STK40: variants seen among roughly 807,000 people sequenced by gnomAD.
STK40 encodes the protein serine/threonine kinase 40.
In STK40, 13 loss-of-function variants were observed where a neutral mutation model predicts 47.9. The observed-to-expected ratio is 0.27, with a 90% CI of 0.18 to 0.43. The LOEUF is 0.43. Ranked by LOEUF, STK40 falls within the 20% of genes least tolerant of loss-of-function variation. STK40 has a pLI of 1.00. For missense variants in STK40, 460 were observed against 595.1 expected, an observed-to-expected ratio of 0.77 and a Z score of 2.36; for synonymous variants, 225 against 243.2, an observed-to-expected ratio of 0.93 and a Z score of 0.69.
chr1:36,355,550 C>T (rs1159367411), intron 4 of STK40, 117 bp from the exon 5 acceptor site: 6 of 1,121,612 alleles, frequency 5.3e-6, no homozygotes, highest in Admixed American at 3.6e-5. Context: ...CTGGAATTAG[C>T]CTGCATGTGC....
intron 1 of STK40, among the ~76,000 whole-genome samples, chr1:36,379,860 C>T (rs1647025488): frequency 6.6e-6 from 1 of 152,182 alleles, no homozygotes; most frequent in African/African-American, 2.4e-5. Flanking sequence ...GGCAGCAATT[C>T]ACTTCTAGAA....
intron 7 of STK40, 85 bp downstream of exon 7, chr1:36,348,615 G>T: frequency 7.7e-7 from 1 of 1,290,784 alleles, no homozygotes; most frequent in Non-Finnish European, 1.1e-6. Context: ...CTTGCCCAGG[G>T]CCTGCCCACA....
At chr1:36,345,987 ATATATT>A (rs1192605826) in intron 7 of STK40, among the ~76,000 whole-genome samples, 1 of 17,268 alleles carries the variant, frequency 5.8e-5, no homozygotes, top group South Asian at 3.0e-3. Flanking sequence ...ATATATATAT[ATATATT>A]TTTTTTTTTT....
chr1:36,342,227 C>T (rs549915601), intron 10 of STK40: 1 of 526,748 alleles, frequency 1.9e-6, no homozygotes, highest in Non-Finnish European at 3.5e-6. Context: ...CTTCCTAACT[C>T]ACTGGCTGCG....
At chr1:36,343,803 ATGGG>A in intron 9 of STK40, 53 bp downstream of exon 9, 1 of 1,521,312 alleles carries the variant, frequency 6.6e-7, no homozygotes, top group Non-Finnish European at 8.8e-7. Flanking sequence ...TCTGGGTAGG[ATGGG>A]CAGAGGCCCT....
rs528997688 is a variant in STK40 at position 36,385,860 on chromosome 1, A to AGCC, written c.-149_-147dup. On this transcript the variant is annotated 5_prime_UTR_variant, in exon 1 of 11. Transcript: ENST00000373132. ...CGCCGCCTCCCAGCGCAGCCACCCG[A>AGCC]GCCGCCGCCGCCGCCGCCGCCGCCT... 0.038 allele frequency: 6,624 copies of AGCC among 175,488 alleles called. 133 individuals are homozygous for AGCC. Among genetic ancestry groups the AGCC allele is most frequent in the African/African-American group, 0.042 (1,720 of 40,944 alleles). 10.9% of individuals were successfully genotyped at this position (175,488 alleles called of 1,614,324 possible).
intron 1 of STK40, among the ~76,000 whole-genome samples, chr1:36,379,748 A>AGGG (rs1647024563): frequency 1.3e-5 from 2 of 152,164 alleles, no homozygotes; most frequent in African/African-American, 4.8e-5. Flanking sequence ...TCAACCCAAA[A>AGGG]GAACAGATTC....
intron 1 of STK40, among the ~76,000 whole-genome samples, chr1:36,361,686 C>T (rs1646853865): frequency 6.6e-6 from 1 of 152,124 alleles, no homozygotes; most frequent in Non-Finnish European, 1.5e-5. Context: ...GAGACTACCA[C>T]AGAGACAGAG....
At chr1:36,373,026 T>C (rs947359953) in intron 1 of STK40, among the ~76,000 whole-genome samples, 1 of 152,130 alleles carries the variant, frequency 6.6e-6, no homozygotes, top group Non-Finnish European at 1.5e-5. Context: ...GTTACGCAAA[T>C]GCCAACTGGG....
chr1:36,365,512 G>A (rs1646894520), intron 1 of STK40, among the ~76,000 whole-genome samples: 1 of 152,256 alleles, frequency 6.6e-6, no homozygotes, highest in South Asian at 2.1e-4. Flanking sequence ...GCCACAGTTA[G>A]GCTTGGCTGG....
intron 1 of STK40, among the ~76,000 whole-genome samples, chr1:36,381,263 C>T (rs574218970): frequency 1.3e-5 from 2 of 152,302 alleles, no homozygotes; most frequent in East Asian, 3.9e-4. Flanking sequence ...GCAAGGCATC[C>T]ATCACCAACA....
intron 1 of STK40, among the ~76,000 whole-genome samples, chr1:36,366,827 C>A (rs1370082074): frequency 4.0e-5 from 6 of 150,346 alleles, no homozygotes; most frequent in Non-Finnish European, 4.4e-5. Context: ...CTTCTACATT[C>A]TTCTTCTTCT....
chr1:36,354,586 C>A (rs1206500012), intron 5 of STK40, among the ~76,000 whole-genome samples, 170 bp from the exon 6 acceptor site: 2 of 152,160 alleles, frequency 1.3e-5, no homozygotes, highest in African/African-American at 2.4e-5. Flanking sequence ...GTTCGCGTGA[C>A]CTGCGCGTCT....
rs563494381 is a variant in STK40 at position 36,384,034 on chromosome 1, T to C, written c.-9+1689A>G. ...CTGCTATTAGCTTCTTCTTCTTCTT[T>C]TTTTTTTTTTTTTGAGACAGAGTCT... is the stretch of plus-strand genomic sequence containing the variant. On this transcript the variant is annotated intron_variant, in intron 1 of 10. Coordinates refer to ENST00000373132, the MANE Select transcript of STK40 (RefSeq NM_001282547.2). Among the ~76,000 whole-genome samples the C allele has an allele frequency of 7.2e-4, 103 of 142,404 alleles. No individual in the cohort carries two copies. The South Asian group carries it at 9.1e-3, about 13-fold the overall frequency. 93.4% of individuals were successfully genotyped at this position (142,404 alleles called of 152,430 possible).
intron 4 of STK40, among the ~76,000 whole-genome samples, chr1:36,356,146 G>T (rs1004051251): frequency 6.6e-6 from 1 of 152,114 alleles, no homozygotes; most frequent in South Asian, 2.1e-4. Flanking sequence ...CAGCCCAAGA[G>T]AAGTAAATAA....
chr1:36,357,705 C>T (rs1405229451), intron 4 of STK40, among the ~76,000 whole-genome samples: 1 of 152,238 alleles, frequency 6.6e-6, no homozygotes, highest in African/African-American at 2.4e-5. Flanking sequence ...CAACCTCCAC[C>T]TCCCGGGCTC....
intron 1 of STK40, among the ~76,000 whole-genome samples, chr1:36,363,567 G>A (rs1646872966): frequency 6.6e-6 from 1 of 151,768 alleles, no homozygotes; most frequent in African/African-American, 2.4e-5. Flanking sequence ...AGCACTTTGG[G>A]AGGCCGAAGC....
intron 6 of STK40, among the ~76,000 whole-genome samples, chr1:36,349,570 C>T (rs2124729204): frequency 6.6e-6 from 1 of 152,332 alleles, no homozygotes; most frequent in South Asian, 2.1e-4. Context: ...CCCCGAATGA[C>T]TTTTCCTTCT....
intron 6 of STK40, among the ~76,000 whole-genome samples, chr1:36,351,766 G>T (rs1240424655): frequency 6.6e-6 from 1 of 152,150 alleles, no homozygotes; most frequent in Non-Finnish European, 1.5e-5. Context: ...GGAAGTGAGA[G>T]TTGGAAGCAA....
Sources: allele counts gnomAD v4.1 joint callset (sites outside exome capture counted in the v4.1 genomes callset), GRCh38; gene constraint gnomAD v4.1.1; transcripts MANE v1.5; gene names NCBI Gene and HGNC (gene_info 2026-07-23, HGNC 2026-07-21).